Variants in BRD7 observed in about 807,000 individuals in gnomAD.
BRD7 encodes bromodomain-containing protein 7.
In BRD7, 15 loss-of-function variants were observed where a neutral mutation model predicts 82.1. That is an observed-to-expected ratio of 0.18 (90% CI 0.12 to 0.28). The LOEUF is 0.28. Among genes scored for constraint, BRD7 ranks in the 10% least tolerant of loss-of-function variants. The pLI, the probability that BRD7 is intolerant of heterozygous loss-of-function variation, is 1.00. For synonymous variants in BRD7, 232 were observed against 266.9 expected (o/e 0.87, Z 1.27); for missense variants, 638 against 779.9 (o/e 0.82, Z 2.17).
At chr16:50,323,313 T>C (rs996325379) in intron 12 of BRD7, among the ~76,000 whole-genome samples, 1 of 152,230 alleles carries the variant, frequency 6.6e-6, no homozygotes. Flanking sequence ...GAGGACACAA[T>C]GCCCACTGAC....
At position 50,325,834 on chromosome 16, in the gene BRD7, G is replaced by A; in HGVS notation, c.1245C>T (p.Asp415=). Residue 415 remains aspartate, a synonymous_variant, in exon 11 of 17, where the codon GAC becomes GAT. Coordinates refer to ENST00000394688, the MANE Select transcript of BRD7 (RefSeq NM_013263.5). ...GPYSSYAPHY[D]STFANISKDD... is the part of the protein sequence containing the mutation. ...CCTTGCTGATATTTGCAAATGTGGAGTCATAATGCGGTGCATAAGAACTGT... is the reference window on the plus strand; with the variant it reads ...CCTTGCTGATATTTGCAAATGTGGAATCATAATGCGGTGCATAAGAACTGT... The A allele has an allele frequency of 6.2e-7, 1 of 1,612,348 alleles. No homozygotes were observed. The highest frequency in any genetic ancestry group is 8.5e-7 in the Non-Finnish European group (1 of 1,179,492).
Position 50,334,703 on chromosome 16 carries a change from T to C in BRD7, c.887+8A>G, listed in dbSNP as rs761344359. 3 of 1,611,500 alleles carry C rather than the reference T, an allele frequency of 1.9e-6. No homozygotes were observed. Among genetic ancestry groups the C allele is most frequent in the Non-Finnish European group, 2.5e-6 (3 of 1,178,900 alleles). ...CAGTTTGACCTTAACATCCCAAAGA[T>C]CTTTTACTTTTTATTTTCTTTGCTG... On this transcript the variant is annotated splice_region_variant and intron_variant, in intron 7 of 16. Coordinates refer to ENST00000394688, the MANE Select transcript of BRD7 (RefSeq NM_013263.5).
chr16:50,326,700 G>A (rs927398278), intron 9 of BRD7, among the ~76,000 whole-genome samples: 7 of 152,218 alleles, frequency 4.6e-5, no homozygotes, highest in African/African-American at 1.7e-4. Context: ...TAAAAGCTGG[G>A]ACTTTTAATG....
At chr16:50,353,071 CTT>C (rs148217111) in intron 4 of BRD7, among the ~76,000 whole-genome samples, 490 of 144,626 alleles carry the variant, frequency 3.4e-3, no homozygotes, top group Non-Finnish European at 4.1e-3. Flanking sequence ...TCAGTAAGTT[CTT>C]TTTTTTTTTT....
At chr16:50,336,556 C>T (rs890277271) in intron 6 of BRD7, among the ~76,000 whole-genome samples, 33 of 151,924 alleles carry the variant, frequency 2.2e-4, no homozygotes, top group Non-Finnish European at 3.7e-4. Flanking sequence ...AGTGAGACTC[C>T]GTCTCAAAAA....
Sources: gnomAD v4.1 joint callset for allele counts (sites outside exome capture counted in the v4.1 genomes callset) on GRCh38, gnomAD v4.1.1 for gene constraint, MANE v1.5 for transcripts, NCBI Gene and HGNC (gene_info 2026-07-23, HGNC 2026-07-21) for gene names.